SIPA1L1: variants seen among roughly 807,000 people sequenced by gnomAD.
SIPA1L1 encodes signal-induced proliferation-associated 1-like protein 1.
SIPA1L1 carries 26 observed loss-of-function variants against 162.7 expected under a neutral mutation model. The ratio of observed to expected loss-of-function variants is 0.16; its 90% confidence interval spans 0.12 to 0.22. The LOEUF (loss-of-function observed/expected upper bound fraction) is 0.22, where lower values mean the gene tolerates loss of function less well. Ranked by LOEUF, SIPA1L1 falls within the 10% of genes least tolerant of loss-of-function variation. SIPA1L1 has a pLI of 1.00. For synonymous variants in SIPA1L1, 829 were observed against 837.4 expected (o/e 0.99, Z 0.17); for missense variants, 1,874 against 2,241.0 (o/e 0.84, Z 3.31).
intron 10 of SIPA1L1, among the ~76,000 whole-genome samples, chr14:71,665,925 C>T (rs2043960385): frequency 6.6e-6 from 1 of 151,988 alleles, no homozygotes; most frequent in East Asian, 1.9e-4. Context: ...CTCAAAATAC[C>T]TCACTGTACT....
At chr14:71,658,199 A>G in intron 8 of SIPA1L1, 134 bp from the exon 9 acceptor site, 1 of 596,846 alleles carries the variant, frequency 1.7e-6, no homozygotes, top group Non-Finnish European at 2.9e-6. Context: ...AAAAGGAAGA[A>G]CACCTGTCTT....
At chr14:71,453,484 G>A (rs944215491) in intron 2 of SIPA1L1, among the ~76,000 whole-genome samples, 2 of 151,972 alleles carry the variant, frequency 1.3e-5, no homozygotes, top group African/African-American at 2.4e-5. Context: ...AGGCTGCATC[G>A]TAACTTTGAA....
intron 2 of SIPA1L1, among the ~76,000 whole-genome samples, chr14:71,358,925 T>A (rs1434717215): frequency 6.6e-6 from 1 of 152,120 alleles, no homozygotes; most frequent in African/African-American, 2.4e-5. Context: ...TCATGAAGGA[T>A]CTACCCCTAA....
At position 71,733,692 on chromosome 14, in the gene SIPA1L1, C is replaced by G. The variant is rs745723043; in HGVS notation, c.4888C>G (p.Leu1630Val). The change falls in exon 21 of 24, where the codon CTC becomes GTC. Residue 1630 changes from leucine to valine, a missense_variant. This residue lies in a region of SIPA1L1 where 936 missense variants were observed against 1,051.9 expected (regional missense o/e 0.89). Transcript: ENST00000381232. ...AGAGTTCTCAGCCTCGGACAGCTCCCTCACTGACATCCAGGAGACCCGCAG... is the reference window on the plus strand; with the variant it reads ...AGAGTTCTCAGCCTCGGACAGCTCCGTCACTGACATCCAGGAGACCCGCAG... ...HGEFSASDSS[L>V]TDIQETRRQP... is the part of the protein sequence containing the mutation. The G allele has an allele frequency of 1.2e-5, 19 of 1,613,954 alleles. No individual in the cohort carries two copies. In the Admixed American group the frequency reaches 2.0e-4, roughly 17 times the overall value.
intron 2 of SIPA1L1, among the ~76,000 whole-genome samples, chr14:71,444,746 A>T (rs1414175667): frequency 6.6e-6 from 1 of 152,140 alleles, no homozygotes; most frequent in Non-Finnish European, 1.5e-5. Context: ...GCACTGAGAG[A>T]ACATAGTTGG....
intron 2 of SIPA1L1, among the ~76,000 whole-genome samples, chr14:71,328,983 A>C (rs894934987): frequency 9.9e-5 from 15 of 152,268 alleles, no homozygotes; most frequent in African/African-American, 3.6e-4. Flanking sequence ...TGTTTCTATG[A>C]ATCTGGCTAC....
At chr14:71,731,533 TC>T (rs763068343) in intron 20 of SIPA1L1, among the ~76,000 whole-genome samples, 35 of 152,224 alleles carry the variant, frequency 2.3e-4, no homozygotes, top group Non-Finnish European at 4.6e-4. Flanking sequence ...GGGTCAGTCT[TC>T]CGTGAATTCC....
At chr14:71,444,595 AC>A (rs367794186) in intron 2 of SIPA1L1, among the ~76,000 whole-genome samples, 51 of 152,148 alleles carry the variant, frequency 3.4e-4, no homozygotes, top group Admixed American at 1.1e-3. Flanking sequence ...GTTGTGGTTT[AC>A]TTTTTTGTAA....
At chr14:71,388,055 A>T (rs1295144322) in intron 2 of SIPA1L1, among the ~76,000 whole-genome samples, 2 of 152,270 alleles carry the variant, frequency 1.3e-5, no homozygotes, top group African/African-American at 4.8e-5. Flanking sequence ...TGCACAGCAC[A>T]TACTTCATAC....
intron 5 of SIPA1L1, among the ~76,000 whole-genome samples, chr14:71,594,745 A>G (rs566952398): frequency 1.3e-4 from 20 of 152,174 alleles, no homozygotes; most frequent in Non-Finnish European, 2.4e-4. Context: ...GTATTTTTCA[A>G]TGTAGTTTCA....
intron 2 of SIPA1L1, among the ~76,000 whole-genome samples, chr14:71,503,054 A>G (rs2050383150): frequency 6.6e-6 from 1 of 152,204 alleles, no homozygotes; most frequent in Non-Finnish European, 1.5e-5. Flanking sequence ...TTTTGTAGTC[A>G]TCATGTCCCT....
intron 3 of SIPA1L1, among the ~76,000 whole-genome samples, chr14:71,519,732 T>C (rs2052110287): frequency 6.6e-6 from 1 of 152,016 alleles, no homozygotes; most frequent in Non-Finnish European, 1.5e-5. Context: ...CTCAGGAGAC[T>C]GAGGCAGGAT....
intron 2 of SIPA1L1, among the ~76,000 whole-genome samples, chr14:71,444,353 T>C (rs2045173778): frequency 6.6e-6 from 1 of 152,174 alleles, no homozygotes; most frequent in African/African-American, 2.4e-5. Flanking sequence ...TCAATCAAAT[T>C]AGCATTCACT....
At chr14:71,461,215 G>A (rs760743852) in intron 2 of SIPA1L1, among the ~76,000 whole-genome samples, 7 of 152,182 alleles carry the variant, frequency 4.6e-5, no homozygotes, top group Non-Finnish European at 1.0e-4. Context: ...CTGCCACTAG[G>A]TAGCTGGCTG....
At chr14:71,435,859 G>A (rs1345313387) in intron 2 of SIPA1L1, among the ~76,000 whole-genome samples, 8 of 152,146 alleles carry the variant, frequency 5.3e-5, no homozygotes, top group Admixed American at 2.6e-4. Flanking sequence ...CTTTTTAATG[G>A]TCACCATTCT....
At chr14:71,321,502 C>T (rs2032945654) in intron 2 of SIPA1L1, 1 of 152,378 alleles carries the variant, frequency 6.6e-6, no homozygotes, top group Non-Finnish European at 1.5e-5. Context: ...CTGGTCGCCA[C>T]CTGGCGACCC....
intron 2 of SIPA1L1, among the ~76,000 whole-genome samples, chr14:71,461,965 G>A (rs1191189498): frequency 6.6e-6 from 1 of 152,188 alleles, no homozygotes; most frequent in Non-Finnish European, 1.5e-5. Context: ...GAGACCATGG[G>A]CACTTGAGCC....
chr14:71,513,500 G>C (rs1482517332), intron 3 of SIPA1L1, among the ~76,000 whole-genome samples: 1 of 151,980 alleles, frequency 6.6e-6, no homozygotes, highest in African/African-American at 2.4e-5. Flanking sequence ...GTTTTGTTTT[G>C]TTTTAGAGGC....
chr14:71,736,428 T>G (rs1255453334), intron 22 of SIPA1L1, among the ~76,000 whole-genome samples: 1 of 152,072 alleles, frequency 6.6e-6, no homozygotes, highest in Non-Finnish European at 1.5e-5. Context: ...CAAGGGTGAT[T>G]AAAACTCCAG....
Sources: gnomAD v4.1 joint callset for allele counts (sites outside exome capture counted in the v4.1 genomes callset) on GRCh38, gnomAD v4.1.1 for gene constraint, gnomAD v4.1.1 regional missense constraint, MANE v1.5 for transcripts, NCBI Gene and HGNC (gene_info 2026-07-23, HGNC 2026-07-21) for gene names.